TENT4A: variants seen among roughly 807,000 people sequenced by gnomAD.
TENT4A encodes terminal nucleotidyltransferase 4A.
A neutral mutation model predicts 72.8 loss-of-function variants in TENT4A; 7 were observed. The ratio of observed to expected loss-of-function variants is 0.10; its 90% CI spans 0.05 to 0.18. The LOEUF (loss-of-function observed/expected upper bound fraction) is 0.18. Ranked by LOEUF, TENT4A falls within the 10% of genes least tolerant of loss-of-function variation. The probability of loss-of-function intolerance (pLI) is 1.00; values close to 1 mark genes in which losing one functional copy is unlikely to be tolerated. For missense variants in TENT4A, 831 were observed against 1,017.7 expected (o/e 0.82, Z 2.50); for synonymous variants, 456 against 434.3 (o/e 1.05, Z -0.62).
Position 6,751,072 on chromosome 5 carries a change from G to A in TENT4A, c.1894G>A (p.Val632Ile). ...SDTPPCTTPSVYQFSLQAPAP... is the reference protein window; with the variant it reads ...SDTPPCTTPSIYQFSLQAPAP... ...CACACCGCCCTGCACAACGCCCAGT[G>A]TTTACCAGTTCAGTCTGCAAGCGCC... Residue 632 changes from valine to isoleucine, a missense_variant, in exon 11 of 13, where the codon GTT (valine) becomes ATT (isoleucine). Physicochemically the swap from Val to Ile is conservative, Grantham distance 29. This residue lies in a region of TENT4A where 332 missense variants were observed against 324.3 expected (regional missense o/e 1.02). Coordinates refer to ENST00000230859, the MANE Select transcript of TENT4A (RefSeq NM_006999.6). The A allele has an allele frequency of 6.2e-7, 1 of 1,614,228 alleles. No individual in the cohort carries two copies. Among genetic ancestry groups the A allele is most frequent in the Non-Finnish European group, 8.5e-7 (1 of 1,180,028 alleles).
At chr5:6,726,612 C>T (rs889225355) in intron 1 of TENT4A, among the ~76,000 whole-genome samples, 1 of 152,090 alleles carries the variant, frequency 6.6e-6, no homozygotes, top group African/African-American at 2.4e-5. Flanking sequence ...GGTCAGGGTC[C>T]CAAATAGCTG....
chr5:6,737,909 GTTTT>G (rs374682397), intron 2 of TENT4A, among the ~76,000 whole-genome samples: 14 of 129,098 alleles, frequency 1.1e-4, no homozygotes, highest in Non-Finnish European at 1.6e-4. Context: ...GATTTGTTGG[GTTTT>G]TTTTTTTTTT....
At chr5:6,733,301 G>C (rs1252777891) in intron 1 of TENT4A, among the ~76,000 whole-genome samples, 1 of 152,252 alleles carries the variant, frequency 6.6e-6, no homozygotes, top group Non-Finnish European at 1.5e-5. Flanking sequence ...GCCGCCTCTT[G>C]GCTGGCACTG....
At chr5:6,715,730 T>C (rs1740345796) in intron 1 of TENT4A, among the ~76,000 whole-genome samples, 1 of 152,250 alleles carries the variant, frequency 6.6e-6, no homozygotes, top group Non-Finnish European at 1.5e-5. Context: ...ATTTGAAGTA[T>C]GTTGGGAAAC....
Position 6,743,735 on chromosome 5 carries a change from G to A in TENT4A, c.1140G>A (p.Leu380=). 6.2e-7 allele frequency: 1 copy of A among 1,610,918 alleles called. No individual in the cohort carries two copies. Among genetic ancestry groups the A allele is most frequent in the Non-Finnish European group, 8.5e-7 (1 of 1,177,778 alleles). The change falls in exon 6 of 13, where the codon TTG becomes TTA. Residue 380 remains leucine (L), a synonymous_variant. Transcript: ENST00000230859. ...AGAAATATTCATTGCTGCCTTACTTGATTTTAGTATTGAAACAGTTCCTTC... is the reference window on the plus strand; with the variant it reads ...AGAAATATTCATTGCTGCCTTACTTAATTTTAGTATTGAAACAGTTCCTTC... ...YMKKYSLLPY[L]ILVLKQFLLQ... is the part of the protein sequence containing the mutation.
chr5:6,714,550 A>T lies in TENT4A; in HGVS notation c.567A>T (p.Lys189Asn). 2 of 1,196,612 alleles carry T rather than the reference A, an allele frequency of 1.7e-6. No individual in the cohort carries two copies. The highest frequency in any genetic ancestry group is 2.1e-6 in the Non-Finnish European group (2 of 965,230). 74.1% of individuals were successfully genotyped at this position (1,196,612 alleles called of 1,614,324 possible). ...ACCAGTTCCACCCGGGTCGCCGGAA[A>T]CGCGAGAACAAGGCCAGCACCTACG... Reference protein sequence around the residue: ...SQHQFHPGRRKRENKASTYGL... With the variant: ...SQHQFHPGRRNRENKASTYGL... Residue 189 changes from lysine (K) to asparagine (N), a missense_variant, in exon 1 of 13, where the codon AAA (lysine) becomes AAT (asparagine). Lys to Asn is a moderately conservative substitution (Grantham distance 94). Around this residue, in one of 3 missense-constraint regions of TENT4A, gnomAD observed 302 missense variants for 293.8 expected, o/e 1.03. Coordinates refer to ENST00000230859, the MANE Select transcript of TENT4A (RefSeq NM_006999.6).
At chr5:6,732,627 T>C (rs767783123) in intron 1 of TENT4A, among the ~76,000 whole-genome samples, 5 of 152,270 alleles carry the variant, frequency 3.3e-5, no homozygotes, top group Non-Finnish European at 7.3e-5. Context: ...AGTGATCTTT[T>C]GTTGTTTTTC....
At chr5:6,751,552 C>T in intron 11 of TENT4A, 1 of 208,724 alleles carries the variant, frequency 4.8e-6, no homozygotes, top group Non-Finnish European at 9.5e-6. Context: ...CCAAGCCGTG[C>T]CAGACACTTG....
chr5:6,718,897 T>C (rs1221325820), intron 1 of TENT4A, among the ~76,000 whole-genome samples: 1 of 151,332 alleles, frequency 6.6e-6, no homozygotes, highest in African/African-American at 2.4e-5. Flanking sequence ...CAGGAGGGCA[T>C]GACAGACTCT....
At chr5:6,743,661 T>C in intron 5 of TENT4A, 51 bp from the exon 6 acceptor site, 1 of 1,432,012 alleles carries the variant, frequency 7.0e-7, no homozygotes, top group South Asian at 1.2e-5. Context: ...GTGAAATCTC[T>C]TTGAAAGTAT....
chr5:6,734,651 A>G (rs554247673), intron 1 of TENT4A, among the ~76,000 whole-genome samples: 1 of 152,228 alleles, frequency 6.6e-6, no homozygotes, highest in Non-Finnish European at 1.5e-5. Context: ...GCAGTTGCTC[A>G]CTTTTAGGTG....
intron 5 of TENT4A, 128 bp from the exon 6 acceptor site, chr5:6,743,584 A>G (rs900658033): frequency 1.6e-5 from 11 of 708,474 alleles, no homozygotes; most frequent in Non-Finnish European, 2.6e-5. Flanking sequence ...AGACTTAATG[A>G]CTGAGAGCCT....
chr5:6,736,048 A>G (rs1579473440), intron 1 of TENT4A, among the ~76,000 whole-genome samples: 1 of 152,218 alleles, frequency 6.6e-6, no homozygotes, highest in Admixed American at 6.5e-5. Flanking sequence ...GGCGTGAGCC[A>G]CCGCATCTGG....
intron 1 of TENT4A, among the ~76,000 whole-genome samples, chr5:6,716,296 G>T (rs1170833020): frequency 6.6e-6 from 1 of 152,214 alleles, no homozygotes; most frequent in East Asian, 1.9e-4. Flanking sequence ...ACAGTCTCAT[G>T]ATCTTGACCC....
intron 8 of TENT4A, 40 bp from the exon 9 acceptor site, chr5:6,749,517 C>A: frequency 7.5e-7 from 1 of 1,338,224 alleles, no homozygotes; most frequent in Non-Finnish European, 1.1e-6. Flanking sequence ...TCCCTGACAC[C>A]TGTTGTACTC....
intron 11 of TENT4A, among the ~76,000 whole-genome samples, chr5:6,751,695 T>C (rs142393633): frequency 1.3e-5 from 2 of 152,254 alleles, no homozygotes; most frequent in African/African-American, 4.8e-5. Flanking sequence ...TAGATAAAAT[T>C]AGAAATCTAA....
chr5:6,737,603 T>C lies in TENT4A; in HGVS notation c.810T>C (p.Thr270=), dbSNP rs1022350819. ...GAGAGGTGGTGAAACGGATCGAAACTGTGGTGAAAGACCTTTGGCCGACGG... is the reference window on the plus strand; with the variant it reads ...GAGAGGTGGTGAAACGGATCGAAACCGTGGTGAAAGACCTTTGGCCGACGG... The part of the protein sequence containing the change: ...MRREVVKRIE[T]VVKDLWPTAD... Residue 270 remains threonine, a synonymous_variant, in exon 2 of 13, where the codon ACT becomes ACC. Coordinates refer to ENST00000230859, the MANE Select transcript of TENT4A (RefSeq NM_006999.6). The C allele has an allele frequency of 1.2e-5, 20 of 1,614,092 alleles. No homozygotes were observed. The highest frequency in any genetic ancestry group is 1.5e-5 in the Non-Finnish European group (18 of 1,180,028).
rs1742407543 is a variant in TENT4A, at chr5:6,751,535, C to T, written c.2019+338C>T. On this transcript the variant is annotated intron_variant, in intron 11 of 12. Transcript: ENST00000230859. ...AGCGACTCAGTCACGACCCACTTAG[C>T]TGGGCGCCAAGCCGTGCCAGACACT... 1.3e-5 allele frequency: 3 copies of T among 235,836 alleles called. No homozygotes were observed. In the East Asian group the frequency reaches 2.8e-4, roughly 22 times the overall value. 14.6% of individuals were successfully genotyped at this position (235,836 alleles called of 1,614,324 possible). A position where few individuals can be genotyped will look rare whatever the true frequency, so the allele number is the denominator to read the frequency against.
In TENT4A at chr5:6,756,964, A is replaced by G. The variant is rs564818762; in HGVS notation, c.*2019A>G. Reference sequence around the variant, plus strand: ...CATGTTTCGATTTTTTTGTGTGTGGACAACAATATGGAAGCTAAAATTGAC... The same window carrying G: ...CATGTTTCGATTTTTTTGTGTGTGGGCAACAATATGGAAGCTAAAATTGAC... On this transcript the variant is annotated 3_prime_UTR_variant, in exon 13 of 13. Transcript: ENST00000230859. 9.2e-5 allele frequency: 14 copies of G among 152,770 alleles called. 1 individual carries two copies. In the South Asian group the frequency reaches 2.5e-3, roughly 27 times the overall value. The allele number at this position is 152,770 out of a possible 1,614,324, so 9.5% of individuals were successfully genotyped here. A position where few individuals can be genotyped will look rare whatever the true frequency, so the allele number is the denominator to read the frequency against.
Sources: allele counts gnomAD v4.1 joint callset (sites outside exome capture counted in the v4.1 genomes callset), GRCh38; gene constraint gnomAD v4.1.1; regional missense constraint gnomAD v4.1.1; transcripts MANE v1.5; gene names NCBI Gene and HGNC (gene_info 2026-07-23, HGNC 2026-07-21).